DNAH7: variants seen among roughly 807,000 people sequenced by gnomAD.
DNAH7 encodes the protein dynein axonemal heavy chain 7.
In DNAH7, 397 loss-of-function variants were observed where a neutral mutation model predicts 444.6. The ratio of observed to expected loss-of-function variants is 0.89; its 90% CI spans 0.82 to 0.97. The LOEUF is 0.97. DNAH7 is among the 50% of genes least tolerant of loss of function. DNAH7 has a pLI of 0.00. For missense variants in DNAH7, 4,902 were observed against 4,800.8 expected, an observed-to-expected ratio of 1.02 and a Z score of -0.62; for synonymous variants, 1,636 against 1,624.4, an observed-to-expected ratio of 1.01 and a Z score of -0.17.
chr2:195,799,095 A>T (rs1488264085), intron 55 of DNAH7, among the ~76,000 whole-genome samples: 2 of 152,206 alleles, frequency 1.3e-5, no homozygotes, highest in African/African-American at 4.8e-5. Flanking sequence ...GTTTTAATTA[A>T]ATTTTAATTT....
chr2:195,738,396 T>C (rs1692784121), intron 64 of DNAH7, among the ~76,000 whole-genome samples: 1 of 147,692 alleles, frequency 6.8e-6, no homozygotes, highest in African/African-American at 2.5e-5. Flanking sequence ...GAAATGACTT[T>C]TAGTGCTTAC....
chr2:195,948,095 TTGAGAAG>T (rs1689943693), intron 19 of DNAH7, among the ~76,000 whole-genome samples: 1 of 152,234 alleles, frequency 6.6e-6, no homozygotes, highest in Admixed American at 6.5e-5. Flanking sequence ...ATGTCTTCTT[TTGAGAAG>T]TGTCTGTTCA....
intron 31 of DNAH7, 150 bp from the exon 32 acceptor site, chr2:195,889,131 CTA>C (rs1416697788): frequency 1.0e-5 from 7 of 697,234 alleles, no homozygotes; most frequent in East Asian, 5.5e-5. Flanking sequence ...ATAAAGATTA[CTA>C]TGTGTGTGTG....
intron 63 of DNAH7, among the ~76,000 whole-genome samples, chr2:195,749,596 T>C (rs1457794208): frequency 6.6e-6 from 1 of 151,416 alleles, no homozygotes; most frequent in Non-Finnish European, 1.5e-5. Flanking sequence ...TGTCCAACAA[T>C]GATAGACTGG....
At chr2:195,862,560 T>C (rs532403834) in intron 41 of DNAH7, among the ~76,000 whole-genome samples, 1 of 152,162 alleles carries the variant, frequency 6.6e-6, no homozygotes, top group South Asian at 2.1e-4. Flanking sequence ...TCTAACTGAT[T>C]TGACCCTTCC....
rs1196615009 is a variant in DNAH7 at position 195,926,411 on chromosome 2, T to C, written c.3612+15A>G. On this transcript the variant is annotated intron_variant, in intron 22 of 64. Transcript: ENST00000312428. ...AAAAATGCTTAAAAAAACCCGAGGG[T>C]TAATAAAACCTTACCTTTATCCCCA... 6.7e-7 allele frequency: 1 copy of C among 1,493,480 alleles called. No individual in the cohort carries two copies. Among genetic ancestry groups the C allele is most frequent in the Non-Finnish European group, 8.9e-7 (1 of 1,124,598 alleles). The allele number at this position is 1,493,480 out of a possible 1,614,324, so 92.5% of individuals were successfully genotyped here.
chr2:195,833,808 T>C (rs1212444147), intron 48 of DNAH7, among the ~76,000 whole-genome samples: 1 of 151,934 alleles, frequency 6.6e-6, no homozygotes. Context: ...CAGGCTGGAG[T>C]GTAGTGGCAC....
chr2:196,044,853 G>C (rs1432872473), intron 5 of DNAH7, among the ~76,000 whole-genome samples: 1 of 152,080 alleles, frequency 6.6e-6, no homozygotes, highest in Non-Finnish European at 1.5e-5. Flanking sequence ...GACCACTTGA[G>C]CCCAGGAGTT....
chr2:195,839,870 T>TA (rs1698580319), intron 47 of DNAH7, among the ~76,000 whole-genome samples: 1 of 151,810 alleles, frequency 6.6e-6, no homozygotes, highest in Non-Finnish European at 1.5e-5. Flanking sequence ...AATTCATGGA[T>TA]AAAATCTTTC....
At chr2:195,970,128 A>C in intron 16 of DNAH7, 34 bp from the exon 17 acceptor site, 1 of 1,567,502 alleles carries the variant, frequency 6.4e-7, no homozygotes, top group Non-Finnish European at 8.6e-7. Context: ...ATATTCTTAA[A>C]AGTTAAAACC....
chr2:195,918,749 G>A (rs1687840314), intron 24 of DNAH7, among the ~76,000 whole-genome samples: 1 of 152,140 alleles, frequency 6.6e-6, no homozygotes, highest in Admixed American at 6.6e-5. Context: ...TGCGGGAGAG[G>A]AGGAGGAAAT....
intron 55 of DNAH7, among the ~76,000 whole-genome samples, chr2:195,797,382 T>C (rs923866104): frequency 6.6e-6 from 1 of 152,208 alleles, no homozygotes; most frequent in African/African-American, 2.4e-5. Context: ...CGAATGCCCA[T>C]GGCTTATTGT....
Position 195,897,663 on chromosome 2 carries a change from T to C in DNAH7, c.4647+4A>G. ...TGATGCATTGGGATAATGAATGTTCTTACCTCAAAGAGTGGTAAATCATGG... is the reference window on the plus strand; with the variant it reads ...TGATGCATTGGGATAATGAATGTTCCTACCTCAAAGAGTGGTAAATCATGG... On this transcript the variant is annotated splice_donor_region_variant and intron_variant, in intron 29 of 64. Transcript: ENST00000312428. 2.6e-6 allele frequency: 4 copies of C among 1,541,746 alleles called. No homozygotes were observed. The highest frequency in any genetic ancestry group is 3.6e-6 in the Non-Finnish European group (4 of 1,122,142).
rs188617974 is a variant in DNAH7 at position 195,937,791 on chromosome 2, G to T, written c.3079-999C>A. 2.1e-3 allele frequency among the ~76,000 whole-genome samples: 323 copies of T among 152,046 alleles called. 6 individuals carry two copies. Among genetic ancestry groups the T allele is most frequent in the Admixed American group, 0.019 (297 of 15,256 alleles). On this transcript the variant is annotated intron_variant, in intron 19 of 64. Transcript: ENST00000312428. Reference sequence around the variant, plus strand: ...CCACTGACATCATTGACAATGTAAGGAAAGTTCTTTACTTAATAAGCTTGA... The same window carrying T: ...CCACTGACATCATTGACAATGTAAGTAAAGTTCTTTACTTAATAAGCTTGA...
At chr2:195,934,210 A>G (rs1459220668) in intron 21 of DNAH7, among the ~76,000 whole-genome samples, 1 of 152,234 alleles carries the variant, frequency 6.6e-6, no homozygotes, top group Non-Finnish European at 1.5e-5. Context: ...CACCGAAAAA[A>G]AGATTCATAC....
chr2:196,068,579 C>A, intron 1 of DNAH7, 118 bp downstream of exon 1: 1 of 1,357,704 alleles, frequency 7.4e-7, no homozygotes, highest in Non-Finnish European at 1.0e-6. Flanking sequence ...GTGAAGGAAG[C>A]TGTACACCGC....
chr2:195,751,745 C>A (rs771857892), intron 63 of DNAH7, among the ~76,000 whole-genome samples: 1 of 152,110 alleles, frequency 6.6e-6, no homozygotes, highest in Non-Finnish European at 1.5e-5. Context: ...TACAGGTGGG[C>A]GGCGGCTAGA....
intron 8 of DNAH7, among the ~76,000 whole-genome samples, chr2:196,022,407 C>T (rs1462878680): frequency 1.3e-5 from 2 of 152,228 alleles, no homozygotes; most frequent in African/African-American, 4.8e-5. Context: ...AATCAATCCT[C>T]TTGAACTCTG....
At chr2:196,051,272 A>G (rs769505397) in intron 2 of DNAH7, 23 bp from the exon 3 acceptor site, 44 of 1,601,548 alleles carry the variant, frequency 2.7e-5, no homozygotes, top group African/African-American at 1.9e-4. Context: ...TATGAAGGGG[A>G]AAAAAGTGTT....
Sources: gnomAD v4.1 joint callset for allele counts (sites outside exome capture counted in the v4.1 genomes callset) on GRCh38, gnomAD v4.1.1 for gene constraint, MANE v1.5 for transcripts, NCBI Gene and HGNC (gene_info 2026-07-23, HGNC 2026-07-21) for gene names.